Variants in RAD54B observed in about 807,000 individuals in gnomAD.
RAD54B encodes DNA repair and recombination protein RAD54B.
RAD54B carries 78 observed loss-of-function variants against 95.8 expected under a neutral mutation model. That is an observed-to-expected ratio of 0.81 (90% CI 0.68 to 0.98). The LOEUF (loss-of-function observed/expected upper bound fraction) is 0.98, where lower values mean the gene tolerates loss of function less well. RAD54B is among the 50% of genes least tolerant of loss of function. The pLI is 0.00. For synonymous variants in RAD54B, 328 were observed against 354.9 expected (o/e 0.92, Z 0.85); for missense variants, 957 against 1,056.6 (o/e 0.91, Z 1.31).
chr8:94,458,804 T>C (rs565097985), intron 2 of RAD54B, among the ~76,000 whole-genome samples: 13 of 152,100 alleles, frequency 8.5e-5, no homozygotes, highest in Admixed American at 2.0e-4. Flanking sequence ...GAGGCGGAGG[T>C]TGCAGTGAGC....
chr8:94,439,563 T>G (rs1812346920), intron 3 of RAD54B, among the ~76,000 whole-genome samples: 1 of 151,894 alleles, frequency 6.6e-6, no homozygotes, highest in Non-Finnish European at 1.5e-5. Context: ...TAAGAACATG[T>G]GCCAAGGTGG....
intron 3 of RAD54B, among the ~76,000 whole-genome samples, chr8:94,448,598 C>T (rs936091196): frequency 6.6e-6 from 1 of 150,380 alleles, no homozygotes; most frequent in Admixed American, 6.7e-5. Flanking sequence ...TCATTTGCCA[C>T]AACATGGAAG....
chr8:94,400,288 ATTCT>A lies in RAD54B; in HGVS notation c.1116_1119del (p.Lys372AsnfsTer6), dbSNP rs1811239482. Reference sequence around the variant, plus strand: ...CTTTCACTTCCTAGCCATTTTTGAAATTCTTTCTTCCAATTATTCACCAAGCTTC... The same window carrying A: ...CTTTCACTTCCTAGCCATTTTTGAAATTCTTCCAATTATTCACCAAGCTTC... On this transcript the variant is annotated frameshift_variant, in exon 7 of 15. Transcript: ENST00000336148. LOFTEE classifies it high-confidence loss of function. 1.2e-6 allele frequency: 2 copies of A among 1,613,806 alleles called. No individual in the cohort carries two copies. The highest frequency in any genetic ancestry group is 1.7e-5 in the Admixed American group (1 of 59,952).
chr8:94,399,688 C>T, intron 7 of RAD54B, 67 bp from the exon 8 acceptor site: 1 of 1,480,516 alleles, frequency 6.8e-7, no homozygotes, highest in Non-Finnish European at 8.9e-7. Context: ...TTTAAGCAGC[C>T]TATTCCTGAC....
intron 3 of RAD54B, among the ~76,000 whole-genome samples, chr8:94,412,017 TCTCCC>T (rs1444001982): frequency 1.3e-5 from 2 of 152,114 alleles, no homozygotes; most frequent in Non-Finnish European, 2.9e-5. Context: ...TTGACCAACA[TCTCCC>T]CAATGCCCCA....
chr8:94,438,160 A>T (rs1812315167), intron 3 of RAD54B, among the ~76,000 whole-genome samples: 1 of 152,240 alleles, frequency 6.6e-6, no homozygotes, highest in Non-Finnish European at 1.5e-5. Flanking sequence ...AGTTCCACAG[A>T]AATGCTATAA....
intron 6 of RAD54B, 134 bp from the exon 7 acceptor site, chr8:94,400,597 A>C: frequency 1.5e-6 from 1 of 653,726 alleles, no homozygotes; most frequent in African/African-American, 1.8e-5. Context: ...GATTTACAAC[A>C]CATCTTTTGC....
chr8:94,450,628 C>T (rs1410709991), intron 3 of RAD54B, among the ~76,000 whole-genome samples: 1 of 152,148 alleles, frequency 6.6e-6, no homozygotes, highest in African/African-American at 2.4e-5. Flanking sequence ...TGCCTGTAAT[C>T]CCACAATTTG....
chr8:94,374,462 C>G (rs1257765982), intron 14 of RAD54B, among the ~76,000 whole-genome samples: 1 of 151,894 alleles, frequency 6.6e-6, no homozygotes, highest in Non-Finnish European at 1.5e-5. Context: ...TAAATGCAAA[C>G]AAACTAAATG....
At chr8:94,448,211 G>A (rs984472420) in intron 3 of RAD54B, among the ~76,000 whole-genome samples, 1 of 151,924 alleles carries the variant, frequency 6.6e-6, no homozygotes, top group Non-Finnish European at 1.5e-5. Context: ...CTATAGTTTT[G>A]GGTTTTTTTT....
chr8:94,406,027 C>CACATAT (rs11281421), intron 5 of RAD54B, among the ~76,000 whole-genome samples: 3 of 150,418 alleles, frequency 2.0e-5, no homozygotes, highest in African/African-American at 7.3e-5. Flanking sequence ...CACACACACA[C>CACATAT]ATATATATAA....
intron 2 of RAD54B, among the ~76,000 whole-genome samples, chr8:94,461,557 G>A (rs1812905804): frequency 6.6e-6 from 1 of 151,400 alleles, no homozygotes; most frequent in African/African-American, 2.4e-5. Flanking sequence ...TTTTATATCT[G>A]ATCAGATATT....
At chr8:94,433,972 G>A (rs1472801302) in intron 3 of RAD54B, among the ~76,000 whole-genome samples, 1 of 151,558 alleles carries the variant, frequency 6.6e-6, no homozygotes, top group Non-Finnish European at 1.5e-5. Flanking sequence ...TTATCTAAGA[G>A]ACAAAATGAA....
Position 94,458,436 on chromosome 8 carries a change from C to A in RAD54B, c.136G>T (p.Gly46Cys), listed in dbSNP as rs752434749. The A allele has an allele frequency of 1.3e-6, 2 of 1,554,178 alleles. No individual in the cohort carries two copies. The highest frequency in any genetic ancestry group is 1.3e-5 in the South Asian group (1 of 78,266). The part of the protein sequence containing the change: ...KLNPDIKLFE[G>C]VAINNTFLPS... ...AGAAAGGTGTTATTAATTGCAACAC[C>A]CTAAAAGAAACAAATATATATTTAA... Residue 46 changes from glycine (G) to cysteine (C), a missense_variant and splice_region_variant, in exon 3 of 15, where the codon GGT becomes TGT. Coordinates refer to ENST00000336148, the MANE Select transcript of RAD54B (RefSeq NM_012415.3).
In RAD54B at chr8:94,391,600, T is replaced by C. The variant is rs2129985284; in HGVS notation, c.1809+9A>G. On this transcript the variant is annotated intron_variant, in intron 10 of 14. Coordinates refer to ENST00000336148, the MANE Select transcript of RAD54B (RefSeq NM_012415.3). ...ATCCCTGACACAGTTTCAGATACTA[T>C]GCACTTACCTTTATAGAGTTGAACA... The C allele has an allele frequency of 6.2e-7, 1 of 1,610,548 alleles. No homozygotes were observed. Among genetic ancestry groups the C allele is most frequent in the East Asian group, 2.2e-5 (1 of 44,836 alleles).
intron 11 of RAD54B, among the ~76,000 whole-genome samples, chr8:94,382,626 G>T (rs1448541899): frequency 6.6e-6 from 1 of 152,178 alleles, no homozygotes; most frequent in Non-Finnish European, 1.5e-5. Context: ...TTGGCTCTGT[G>T]TCTCCACCCA....
chr8:94,458,085 A>T (rs2130176947), intron 3 of RAD54B, among the ~76,000 whole-genome samples, 183 bp downstream of exon 3: 1 of 152,356 alleles, frequency 6.6e-6, no homozygotes, highest in Non-Finnish European at 1.5e-5. Flanking sequence ...CACTTTAATC[A>T]CACAGTTATT....
At chr8:94,383,323 G>A (rs987778774) in intron 11 of RAD54B, among the ~76,000 whole-genome samples, 9 of 145,452 alleles carry the variant, frequency 6.2e-5, no homozygotes, top group African/African-American at 2.3e-4. Context: ...TGACAGCTAT[G>A]TAGCAAGATT....
At chr8:94,444,425 A>AAAAG (rs1554608933) in intron 3 of RAD54B, among the ~76,000 whole-genome samples, 1 of 145,024 alleles carries the variant, frequency 6.9e-6, no homozygotes, top group Non-Finnish European at 1.5e-5. Context: ...AAAAAAAAAA[A>AAAAG]CTAAAACTAA....
Sources: gnomAD v4.1 joint callset for allele counts (sites outside exome capture counted in the v4.1 genomes callset) on GRCh38, gnomAD v4.1.1 for gene constraint, MANE v1.5 for transcripts, NCBI Gene and HGNC (gene_info 2026-07-23, HGNC 2026-07-21) for gene names.